Variants in AOX1 observed in about 807,000 individuals in gnomAD.
AOX1 encodes the protein aldehyde oxidase.
In AOX1, 153 loss-of-function variants were observed where a neutral mutation model predicts 169.5. The ratio of observed to expected loss-of-function variants is 0.90; its 90% confidence interval spans 0.79 to 1.03. AOX1 has a LOEUF of 1.03. Ranked by LOEUF, AOX1 falls within the 50% of genes least tolerant of loss-of-function variation. The pLI, the probability that AOX1 is intolerant of heterozygous loss-of-function variation, is 0.00. For missense variants in AOX1, 1,656 were observed against 1,663.9 expected, an observed-to-expected ratio of 1.00 and a Z score of 0.08; for synonymous variants, 562 against 581.9, an observed-to-expected ratio of 0.97 and a Z score of 0.49.
At chr2:200,619,254 G>C (rs6753463) in intron 16 of AOX1, among the ~76,000 whole-genome samples, 3 of 151,912 alleles carry the variant, frequency 2.0e-5, no homozygotes, top group East Asian at 1.9e-4. Flanking sequence ...GCATTGTAAG[G>C]CTCATCTAAA....
At chr2:200,647,228 G>C (rs2035473302) in intron 25 of AOX1, among the ~76,000 whole-genome samples, 1 of 152,186 alleles carries the variant, frequency 6.6e-6, no homozygotes, top group Admixed American at 6.5e-5. Flanking sequence ...TGTGTTTCCA[G>C]GATTTGTTTC....
chr2:200,627,363 A>T lies in AOX1; in HGVS notation c.2135A>T (p.Gln712Leu). The T allele has an allele frequency of 1.9e-6, 3 of 1,613,292 alleles. No homozygotes were observed. Among genetic ancestry groups the T allele is most frequent in the Non-Finnish European group, 2.5e-6 (3 of 1,179,290 alleles). Reference protein sequence around the residue: ...PLILTIEESIQHNSSFKPERK... With the variant: ...PLILTIEESILHNSSFKPERK... ...CTGTTCTCTTTCTAGGAAAGTATACAACACAACTCCTCCTTCAAGCCAGAA... is the reference window on the plus strand; with the variant it reads ...CTGTTCTCTTTCTAGGAAAGTATACTACACAACTCCTCCTTCAAGCCAGAA... Residue 712 changes from glutamine (Q) to leucine (L), a missense_variant, in exon 20 of 35, where the codon CAA becomes CTA. By Grantham distance (113) the Gln-to-Leu change is moderately radical (BLOSUM62 -2). Transcript: ENST00000374700.
downstream of AOX1, among the ~76,000 whole-genome samples, chr2:200,674,514 A>G (rs535143304): frequency 1.3e-5 from 2 of 152,346 alleles, no homozygotes; most frequent in South Asian, 4.1e-4. Context: ...AGATTTTTGT[A>G]TCACAGGTTA....
In AOX1 at chr2:200,621,254, A is replaced by C. The variant is rs1559242280; in HGVS notation, c.2001+8A>C. 6.2e-7 allele frequency: 1 copy of C among 1,607,518 alleles called. No individual in the cohort carries two copies. Among genetic ancestry groups the C allele is most frequent in the Non-Finnish European group, 8.5e-7 (1 of 1,178,394 alleles). ...TTTCTGGCGACAGATAAGGTACTGC[A>C]TTTTTGCTTTCTATTTGAAAAATAA... On this transcript the variant is annotated splice_region_variant and intron_variant, in intron 18 of 34. Coordinates refer to ENST00000374700, the MANE Select transcript of AOX1 (RefSeq NM_001159.4).
chr2:200,643,474 T>A (rs1044482251), intron 25 of AOX1, among the ~76,000 whole-genome samples: 1 of 152,072 alleles, frequency 6.6e-6, no homozygotes, highest in African/African-American at 2.4e-5. Flanking sequence ...GGCATTTGGG[T>A]TGGTTCCAAG....
Position 200,651,132 on chromosome 2 carries a change from G to A in AOX1, c.3006G>A (p.Trp1002Ter), listed in dbSNP as rs2035573279. 3 of 1,614,068 alleles carry A rather than the reference G, an allele frequency of 1.9e-6. No individual in the cohort carries two copies. Among genetic ancestry groups the A allele is most frequent in the African/African-American group, 1.3e-5 (1 of 74,918 alleles). The change falls in exon 26 of 35, where the codon TGG becomes TGA. Residue 1002 changes from tryptophan (W) to a stop codon, truncating the protein, a stop_gained. Coordinates refer to ENST00000374700, the MANE Select transcript of AOX1 (RefSeq NM_001159.4). LOFTEE classifies it high-confidence loss of function. ...AVEKFNAENY[W>*]KKKGLAMVPL... Reference sequence around the variant, plus strand: ...AAAAGTTCAATGCAGAGAATTATTGGAAGAAGAAAGGACTGGCCATGGTCC... The same window carrying A: ...AAAAGTTCAATGCAGAGAATTATTGAAAGAAGAAAGGACTGGCCATGGTCC...
At position 200,595,380 on chromosome 2, in the gene AOX1, C is replaced by T. The variant is rs757890078; in HGVS notation, c.200+12C>T. ...ACCAAGAGGATAAGGTACCGTGCAG[C>T]AAAGTCCAGATATGGTTGAATTTTT... On this transcript the variant is annotated intron_variant, in intron 3 of 34. Coordinates refer to ENST00000374700, the MANE Select transcript of AOX1 (RefSeq NM_001159.4). The T allele has an allele frequency of 6.3e-6, 10 of 1,598,668 alleles. No individual in the cohort carries two copies. The highest frequency in any genetic ancestry group is 5.4e-5 in the African/African-American group (4 of 74,380).
chr2:200,650,004 C>T (rs181296596), intron 25 of AOX1, among the ~76,000 whole-genome samples: 1 of 152,350 alleles, frequency 6.6e-6, no homozygotes, highest in Admixed American at 6.5e-5. Context: ...CCACACCTCT[C>T]TGCTCATGCC....
At chr2:200,665,691 C>G (rs1005649567) in intron 31 of AOX1, among the ~76,000 whole-genome samples, 3 of 152,176 alleles carry the variant, frequency 2.0e-5, no homozygotes, top group Admixed American at 2.0e-4. Flanking sequence ...CTCGGCCTCC[C>G]AAAGTGCTGG....
intron 1 of AOX1, chr2:200,588,412 C>T (rs988969210): frequency 1.3e-5 from 2 of 152,186 alleles, no homozygotes; most frequent in South Asian, 2.1e-4. Context: ...AACATCTCCT[C>T]GCTTCTCCTT....
At chr2:200,679,847 C>T (rs2036138308), downstream of AOX1, among the ~76,000 whole-genome samples, 1 of 152,006 alleles carries the variant, frequency 6.6e-6, no homozygotes. Context: ...TTTGGGAGGC[C>T]GAGGTGGGAG....
At chr2:200,626,975 G>T (rs1048311808) in intron 19 of AOX1, among the ~76,000 whole-genome samples, 8 of 152,242 alleles carry the variant, frequency 5.3e-5, no homozygotes, top group Non-Finnish European at 1.2e-4. Flanking sequence ...AAAAATGTGT[G>T]CACAATGCTG....
chr2:200,640,614 G>C (rs777500127), intron 23 of AOX1, among the ~76,000 whole-genome samples: 1 of 152,244 alleles, frequency 6.6e-6, no homozygotes, highest in Non-Finnish European at 1.5e-5. Context: ...CGATCTGGAA[G>C]AACGATGAAG....
Position 200,641,185 on chromosome 2 carries a change from G to GT in AOX1, c.2655+2dup. The GT allele has an allele frequency of 6.2e-7, 1 of 1,602,974 alleles. No homozygotes were observed. The highest frequency in any genetic ancestry group is 8.5e-7 in the Non-Finnish European group (1 of 1,170,214). On this transcript the variant is annotated splice_donor_variant, in intron 24 of 34. Coordinates refer to ENST00000374700, the MANE Select transcript of AOX1 (RefSeq NM_001159.4). LOFTEE classifies it high-confidence loss of function. ...CGCCTCCTTGGATGAATCATTATTC[G>GT]TAAGTGTTTTAAGGAGCAAGTTCAC...
chr2:200,672,697 G>A (rs2036045949), downstream of AOX1, among the ~76,000 whole-genome samples: 1 of 152,212 alleles, frequency 6.6e-6, no homozygotes, highest in Non-Finnish European at 1.5e-5. Flanking sequence ...ATGCTTGAGT[G>A]CTAAGGGAAG....
At chr2:200,638,584 C>T (rs571248787) in intron 23 of AOX1, among the ~76,000 whole-genome samples, 10 of 152,184 alleles carry the variant, frequency 6.6e-5, no homozygotes, top group African/African-American at 1.2e-4. Context: ...TGAGTGTGTA[C>T]GCCATTAAAG....
chr2:200,620,620 A>C (rs2034865444), intron 16 of AOX1, 30 bp from the exon 17 acceptor site: 1 of 1,468,820 alleles, frequency 6.8e-7, no homozygotes, highest in Non-Finnish European at 9.0e-7. Flanking sequence ...ATAGAAATGT[A>C]AAAGTATATT....
chr2:200,599,504 T>A, intron 4 of AOX1, 116 bp from the exon 5 acceptor site: 3 of 828,430 alleles, frequency 3.6e-6, no homozygotes, highest in Non-Finnish European at 5.4e-6. Context: ...GGGCCTCTGC[T>A]GCAATCTTAA....
intron 31 of AOX1, among the ~76,000 whole-genome samples, chr2:200,663,575 C>G (rs865846684): frequency 9.8e-5 from 10 of 101,960 alleles, no homozygotes; most frequent in Non-Finnish European, 2.1e-4. Context: ...CACACACACT[C>G]TCTCTCTCTC....
Sources: gnomAD v4.1 joint callset for allele counts (sites outside exome capture counted in the v4.1 genomes callset) on GRCh38, gnomAD v4.1.1 for gene constraint, MANE v1.5 for transcripts, NCBI Gene and HGNC (gene_info 2026-07-23, HGNC 2026-07-21) for gene names.